MEI1: variants seen among roughly 807,000 people sequenced by gnomAD.
The protein encoded by MEI1 is meiosis inhibitor protein 1.
Under a neutral mutation model 146.2 loss-of-function variants are expected in MEI1, and 103 were observed. The ratio of observed to expected loss-of-function variants is 0.70; its 90% CI spans 0.60 to 0.83. The LOEUF (loss-of-function observed/expected upper bound fraction) is 0.83, where lower values mean the gene tolerates loss of function less well. Ranked by LOEUF, MEI1 falls within the 40% of genes least tolerant of loss-of-function variation. MEI1 has a pLI of 0.00. For missense variants in MEI1, 1,529 were observed against 1,533.0 expected (o/e 1.00, Z 0.04); for synonymous variants, 652 against 628.2 (o/e 1.04, Z -0.57).
At chr22:41,756,543 G>A (rs2074104270) in intron 17 of MEI1, among the ~76,000 whole-genome samples, 1 of 151,190 alleles carries the variant, frequency 6.6e-6, no homozygotes, top group Non-Finnish European at 1.5e-5. Flanking sequence ...GCGTGATCTC[G>A]GCTCATTGCA....
intron 11 of MEI1, among the ~76,000 whole-genome samples, chr22:41,735,994 G>A (rs953494396): frequency 2.6e-5 from 4 of 152,158 alleles, no homozygotes; most frequent in Non-Finnish European, 5.9e-5. Flanking sequence ...CCTTCTCATG[G>A]TTCTAGGGGG....
intron 28 of MEI1, among the ~76,000 whole-genome samples, 180 bp downstream of exon 28, chr22:41,794,657 A>G (rs890803257): frequency 6.6e-6 from 1 of 151,794 alleles, no homozygotes; most frequent in African/African-American, 2.4e-5. Flanking sequence ...ATATCTCCTC[A>G]CTCCAGGGGA....
chr22:41,758,701 A>G (rs931650252), intron 18 of MEI1, among the ~76,000 whole-genome samples, 168 bp downstream of exon 18: 1 of 152,226 alleles, frequency 6.6e-6, no homozygotes, highest in Admixed American at 6.5e-5. Context: ...GAAGTGGGTT[A>G]GAACAGGTGG....
chr22:41,793,182 G>A (rs998139067), intron 26 of MEI1, among the ~76,000 whole-genome samples: 2 of 151,098 alleles, frequency 1.3e-5, no homozygotes, highest in Non-Finnish European at 3.0e-5. Context: ...GATTACAGGC[G>A]CCCACCACCA....
At chr22:41,771,537 G>T (rs528482235) in intron 20 of MEI1, among the ~76,000 whole-genome samples, 146 of 152,128 alleles carry the variant, frequency 9.6e-4, no homozygotes, top group African/African-American at 3.2e-3. Context: ...CCGGGTTCAC[G>T]CAATTCTCCT....
Position 41,794,396 on chromosome 22 carries a change from G to C in MEI1, c.3453G>C (p.Trp1151Cys). Residue 1151 changes from tryptophan (W) to cysteine (C), a missense_variant, in exon 28 of 31, where the codon TGG becomes TGC. By Grantham distance (215) the Trp-to-Cys change is radical. Coordinates refer to ENST00000401548, the MANE Select transcript of MEI1 (RefSeq NM_152513.4). The stretch of plus-strand genomic sequence containing the variant: ...CTCTCCACGTGGCCTCCCAGCCTTG[G>C]AATCGGTTTTTGCTGTTTACCCTCT... The part of the protein sequence containing the change: ...DIALHVASQP[W>C]NRFLLFTLLD... 6.2e-7 allele frequency: 1 copy of C among 1,613,978 alleles called. No individual in the cohort carries two copies.
At position 41,718,099 on chromosome 22, in the gene MEI1, C is replaced by T. The variant is rs374144682; in HGVS notation, c.558C>T (p.Gly186=). 6.2e-7 allele frequency: 1 copy of T among 1,612,476 alleles called. No homozygotes were observed. Among genetic ancestry groups the T allele is most frequent in the Non-Finnish European group, 8.5e-7 (1 of 1,179,444 alleles). The change falls in exon 6 of 31, where the codon GGC becomes GGT. Residue 186 remains glycine, a synonymous_variant. Coordinates refer to ENST00000401548, the MANE Select transcript of MEI1 (RefSeq NM_152513.4). ...HGNLMEHLLR[G]LVYPSEGIQA... is the part of the protein sequence containing the mutation. ...ACCTGATGGAGCATCTGTTGAGAGG[C>T]TTAGTATACCCCAGTGAGGGCATAC... is the stretch of plus-strand genomic sequence containing the variant.
At chr22:41,711,951 A>G (rs1273717611) in intron 3 of MEI1, among the ~76,000 whole-genome samples, 2 of 151,794 alleles carry the variant, frequency 1.3e-5, no homozygotes, top group African/African-American at 2.4e-5. Context: ...GCTCACACCT[A>G]TAGTCCCTGG....
intron 11 of MEI1, among the ~76,000 whole-genome samples, chr22:41,735,165 T>G (rs1275123226): frequency 1.3e-5 from 2 of 151,274 alleles, no homozygotes; most frequent in Non-Finnish European, 1.5e-5. Flanking sequence ...GGTTTCACTG[T>G]GTTAGCCAGG....
chr22:41,762,213 C>T (rs2074539090), intron 18 of MEI1, among the ~76,000 whole-genome samples: 1 of 152,040 alleles, frequency 6.6e-6, no homozygotes, highest in Admixed American at 6.5e-5. Flanking sequence ...ACCTGGCCTC[C>T]TGTTTGCTGT....
At chr22:41,758,644 G>A (rs908062172) in intron 18 of MEI1, 111 bp downstream of exon 18, 46 of 1,128,314 alleles carry the variant, frequency 4.1e-5, no homozygotes, top group Admixed American at 5.3e-5. Context: ...CTGGGGACAC[G>A]GGGATAAGTA....
intron 16 of MEI1, chr22:41,753,697 TAGAACTC>T: frequency 2.8e-6 from 1 of 362,868 alleles, no homozygotes; most frequent in Non-Finnish European, 5.2e-6. Flanking sequence ...CAGGCTGGTC[TAGAACTC>T]CTGACCTCAG....
At chr22:41,733,917 G>A (rs1465984264) in intron 11 of MEI1, among the ~76,000 whole-genome samples, 7 of 146,942 alleles carry the variant, frequency 4.8e-5, no homozygotes, top group African/African-American at 1.3e-4. Context: ...ACCTGAAGTC[G>A]GGAGTTTGAG....
At chr22:41,714,336 C>T (rs1157616334) in intron 4 of MEI1, among the ~76,000 whole-genome samples, 1 of 152,120 alleles carries the variant, frequency 6.6e-6, no homozygotes, top group Non-Finnish European at 1.5e-5. Flanking sequence ...GCATAATCAT[C>T]CCATGGTTCA....
chr22:41,705,661 G>A (rs1601627621), intron 3 of MEI1, 107 bp downstream of exon 3: 1 of 889,694 alleles, frequency 1.1e-6, no homozygotes. Context: ...ACACAGATAA[G>A]AGGAACCCCA....
intron 9 of MEI1, 45 bp downstream of exon 9, chr22:41,730,682 CA>C (rs2071776052): frequency 7.6e-7 from 1 of 1,323,152 alleles, no homozygotes. Flanking sequence ...GGGTGGACGG[CA>C]GTTTGCACTT....
intron 1 of MEI1, among the ~76,000 whole-genome samples, chr22:41,700,909 G>A (rs558772162): frequency 4.6e-5 from 7 of 151,158 alleles, no homozygotes; most frequent in African/African-American, 1.7e-4. Context: ...GTGCCTGGCT[G>A]CGTTCTCAAA....
At chr22:41,701,768 T>G (rs140557332) in intron 1 of MEI1, among the ~76,000 whole-genome samples, 11 of 152,304 alleles carry the variant, frequency 7.2e-5, no homozygotes, top group African/African-American at 2.6e-4. Flanking sequence ...TAGGAAAGGT[T>G]TCTTAGAGGA....
chr22:41,767,460 T>G (rs2074928163), intron 19 of MEI1: 24 of 402,534 alleles, frequency 6.0e-5, no homozygotes, highest in South Asian at 4.1e-4. Context: ...TACACACTGA[T>G]GTGTGTTAAG....
Sources: gnomAD v4.1 joint callset for allele counts (sites outside exome capture counted in the v4.1 genomes callset) on GRCh38, gnomAD v4.1.1 for gene constraint, MANE v1.5 for transcripts, NCBI Gene and HGNC (gene_info 2026-07-23, HGNC 2026-07-21) for gene names.